Variants in CSMD1 observed in about 807,000 individuals in gnomAD.
CSMD1 encodes the protein CUB and Sushi multiple domains 1, also known as CUB and sushi domain-containing protein 1.
Under a neutral mutation model 417.5 loss-of-function variants are expected in CSMD1, and 213 were observed. The ratio of observed to expected loss-of-function variants is 0.51; its 90% confidence interval spans 0.46 to 0.57. CSMD1 has a LOEUF of 0.57. CSMD1 is among the 20% of genes least tolerant of loss of function. The pLI, the probability that CSMD1 is intolerant of heterozygous loss-of-function variation, is 0.00. For synonymous variants in CSMD1, 2,862 were observed against 1,736.8 expected (o/e 1.65, Z -16.11); for missense variants, 6,923 against 4,529.7 (o/e 1.53, Z -15.17).
chr8:3,345,459 A>C (rs1396249145), intron 22 of CSMD1, among the ~76,000 whole-genome samples: 1 of 152,132 alleles, frequency 6.6e-6, no homozygotes, highest in Non-Finnish European at 1.5e-5. Flanking sequence ...CTCTAAAGTT[A>C]AAATCTGGGT....
At chr8:3,420,877 T>G (rs543626422) in intron 12 of CSMD1, among the ~76,000 whole-genome samples, 1 of 152,072 alleles carries the variant, frequency 6.6e-6, no homozygotes, top group East Asian at 1.9e-4. Context: ...GTAAAATGCT[T>G]CCCATGATTG....
At chr8:3,491,825 G>A (rs562828987) in intron 11 of CSMD1, among the ~76,000 whole-genome samples, 1 of 152,270 alleles carries the variant, frequency 6.6e-6, no homozygotes, top group South Asian at 2.1e-4. Flanking sequence ...AGAGTGTTAG[G>A]GAAACCAGCC....
intron 2 of CSMD1, among the ~76,000 whole-genome samples, chr8:4,531,590 T>G (rs917640276): frequency 6.6e-6 from 1 of 152,092 alleles, no homozygotes. Context: ...CCTGTATAAG[T>G]GTAAGATGCG....
intron 12 of CSMD1, among the ~76,000 whole-genome samples, chr8:3,457,273 C>T (rs150541956): frequency 2.6e-3 from 403 of 152,104 alleles, no homozygotes; most frequent in South Asian, 0.015. Context: ...TTGCCCTGTA[C>T]CCCTCATCTT....
intron 7 of CSMD1, among the ~76,000 whole-genome samples, chr8:3,631,712 G>T (rs1057054736): frequency 2.0e-5 from 3 of 152,204 alleles, no homozygotes; most frequent in Admixed American, 2.0e-4. Flanking sequence ...AAATTTTACT[G>T]TTCGAGAAAA....
chr8:3,900,958 A>G (rs1245754098), intron 5 of CSMD1, among the ~76,000 whole-genome samples: 2 of 152,266 alleles, frequency 1.3e-5, no homozygotes, highest in South Asian at 4.1e-4. Context: ...TATAAAGGAC[A>G]GAACAGAGCC....
intron 1 of CSMD1, among the ~76,000 whole-genome samples, chr8:4,651,640 T>C (rs1263201356): frequency 6.6e-6 from 1 of 152,174 alleles, no homozygotes; most frequent in African/African-American, 2.4e-5. Context: ...TCCTTACACA[T>C]CTTCTGGGAT....
At chr8:3,606,883 T>C (rs1584952544) in intron 8 of CSMD1, among the ~76,000 whole-genome samples, 1 of 151,954 alleles carries the variant, frequency 6.6e-6, no homozygotes, top group Non-Finnish European at 1.5e-5. Flanking sequence ...GCAAATTTTT[T>C]TGTATTTTTG....
At position 4,351,174 on chromosome 8, in the gene CSMD1, A is replaced by G. The variant is rs78924708; in HGVS notation, c.415+68779T>C. Among the ~76,000 whole-genome samples the G allele has an allele frequency of 1.5e-3, 225 of 152,154 alleles. 2 individuals carry two copies. In the East Asian group the frequency reaches 0.04, roughly 27 times the overall value. On this transcript the variant is annotated intron_variant, in intron 3 of 69. Coordinates refer to ENST00000635120, the MANE Select transcript of CSMD1 (RefSeq NM_033225.6). ...TCTCTAAAAAAAAAAAAAATTAGGG[A>G]AAGAACAAATGACTTCTAGGAGTTA...
At chr8:3,727,662 A>T (rs1383599388) in intron 6 of CSMD1, among the ~76,000 whole-genome samples, 1 of 152,234 alleles carries the variant, frequency 6.6e-6, no homozygotes, top group Non-Finnish European at 1.5e-5. Flanking sequence ...AGATGTTTTT[A>T]CACTCAAGTT....
At chr8:4,971,545 A>G (rs1335696555) in intron 1 of CSMD1, among the ~76,000 whole-genome samples, 2 of 152,014 alleles carry the variant, frequency 1.3e-5, no homozygotes, top group Admixed American at 6.6e-5. Flanking sequence ...TAATTTCTTG[A>G]GTTTTAAGCC....
intron 1 of CSMD1, among the ~76,000 whole-genome samples, chr8:4,903,481 C>G (rs930945930): frequency 1.3e-5 from 2 of 152,100 alleles, no homozygotes; most frequent in Non-Finnish European, 2.9e-5. Flanking sequence ...AAATGTATAT[C>G]GTTAATGTTT....
chr8:3,281,996 T>G (rs1187986114), intron 26 of CSMD1, among the ~76,000 whole-genome samples: 1 of 152,174 alleles, frequency 6.6e-6, no homozygotes, highest in African/African-American at 2.4e-5. Context: ...GTGGAAGATG[T>G]GACTGCTTCC....
intron 2 of CSMD1, among the ~76,000 whole-genome samples, chr8:4,578,213 T>A (rs992649629): frequency 2.6e-5 from 4 of 151,904 alleles, no homozygotes; most frequent in African/African-American, 9.7e-5. Flanking sequence ...CACGCTGGAG[T>A]GCAGTGGCGT....
chr8:3,243,164 G>T (rs1388046713), intron 26 of CSMD1, among the ~76,000 whole-genome samples: 2 of 152,140 alleles, frequency 1.3e-5, no homozygotes, highest in African/African-American at 2.4e-5. Context: ...AGAGTAAGAG[G>T]CCGCTTACCC....
At chr8:3,817,215 A>T (rs2129080349) in intron 5 of CSMD1, among the ~76,000 whole-genome samples, 1 of 143,942 alleles carries the variant, frequency 6.9e-6, no homozygotes, top group South Asian at 2.3e-4. Context: ...CACTCTGGAA[A>T]GGATCTCCAA....
intron 2 of CSMD1, among the ~76,000 whole-genome samples, chr8:4,473,919 A>C (rs117575850): frequency 0.015 from 2,221 of 152,312 alleles, 27 homozygotes; most frequent in South Asian, 0.044. Flanking sequence ...CAAACTAATC[A>C]ATAAATAATA....
intron 18 of CSMD1, among the ~76,000 whole-genome samples, chr8:3,371,268 A>T (rs1019124900): frequency 1.3e-5 from 2 of 152,126 alleles, no homozygotes; most frequent in African/African-American, 2.4e-5. Flanking sequence ...TGACTAATAC[A>T]TCCACTTACT....
chr8:3,400,673 G>C (rs924498795), intron 15 of CSMD1, among the ~76,000 whole-genome samples: 4 of 151,732 alleles, frequency 2.6e-5, no homozygotes, highest in Admixed American at 6.6e-5. Context: ...CTTGAAAAGT[G>C]GATAAAAAAT....
Sources: gnomAD v4.1 joint callset for allele counts (sites outside exome capture counted in the v4.1 genomes callset) on GRCh38, gnomAD v4.1.1 for gene constraint, MANE v1.5 for transcripts, NCBI Gene and HGNC (gene_info 2026-07-23, HGNC 2026-07-21) for gene names.